The following TWIST2 variants were observed in gnomAD, a reference collection of about 807,000 sequenced individuals.
TWIST2 encodes twist-related protein 2.
A neutral mutation model predicts 11.6 loss-of-function variants in TWIST2; 1 was observed. That is an observed-to-expected ratio of 0.09 (90% CI 0.03 to 0.41). TWIST2 has a LOEUF of 0.41. Ranked by LOEUF, TWIST2 falls within the 10% of genes least tolerant of loss-of-function variation. The pLI, the probability that TWIST2 is intolerant of heterozygous loss-of-function variation, is 0.98. For missense variants in TWIST2, 168 were observed against 226.4 expected (o/e 0.74, Z 1.66); for synonymous variants, 87 against 96.6 (o/e 0.90, Z 0.58).
intron 1 of TWIST2, among the ~76,000 whole-genome samples, chr2:238,882,786 G>A (rs937441163): frequency 3.3e-5 from 5 of 152,220 alleles, no homozygotes; most frequent in African/African-American, 9.6e-5. Context: ...CCTGGGAAGT[G>A]ATATCTTGAT....
At chr2:238,876,707 G>A (rs1692810566) in intron 1 of TWIST2, among the ~76,000 whole-genome samples, 1 of 152,138 alleles carries the variant, frequency 6.6e-6, no homozygotes, top group Non-Finnish European at 1.5e-5. Flanking sequence ...TTTATTAGTG[G>A]AATATCAGGG....
chr2:238,873,493 G>A (rs568779705), intron 1 of TWIST2, among the ~76,000 whole-genome samples: 19 of 152,334 alleles, frequency 1.2e-4, no homozygotes, highest in Admixed American at 2.0e-4. Flanking sequence ...TCTGGGGGTT[G>A]GGAGTGGGCA....
intron 1 of TWIST2, among the ~76,000 whole-genome samples, chr2:238,878,278 C>T (rs1692842682): frequency 6.6e-6 from 1 of 152,208 alleles, no homozygotes; most frequent in East Asian, 1.9e-4. Flanking sequence ...ACATCAGCCA[C>T]CCCAAAGCTC....
At position 238,848,680 on chromosome 2, in the gene TWIST2, C is replaced by T; in HGVS notation, c.465C>T (p.Ser155=). Residue 155 remains serine, a synonymous_variant, in exon 1 of 2, where the codon TCC becomes TCT. Coordinates refer to ENST00000612363, the MANE Select transcript of TWIST2 (RefSeq NM_001271893.4). Reference sequence around the variant, plus strand: ...TGTGGCGCATGGAGGGCGCGTGGTCCATGTCCGCCTCCCACTAGCGCCGCG... The same window carrying T: ...TGTGGCGCATGGAGGGCGCGTGGTCTATGTCCGCCTCCCACTAGCGCCGCG... The part of the protein sequence containing the change: ...FSVWRMEGAW[S]MSASH The T allele has an allele frequency of 6.6e-7, 1 of 1,525,662 alleles. No individual in the cohort carries two copies. Among genetic ancestry groups the T allele is most frequent in the Non-Finnish European group, 8.8e-7 (1 of 1,139,600 alleles). The allele number at this position is 1,525,662 out of a possible 1,614,324, so 94.5% of individuals were successfully genotyped here.
At chr2:238,879,815 A>G (rs750521572) in intron 1 of TWIST2, among the ~76,000 whole-genome samples, 1 of 152,194 alleles carries the variant, frequency 6.6e-6, no homozygotes, top group Non-Finnish European at 1.5e-5. Context: ...TGGTGTGGTC[A>G]GGGAGGGCTT....
chr2:238,905,975 G>C (rs1186280491), intron 1 of TWIST2, among the ~76,000 whole-genome samples: 2 of 135,848 alleles, frequency 1.5e-5, no homozygotes, highest in Non-Finnish European at 3.2e-5. Flanking sequence ...GTGTGTGTGC[G>C]CGCGCGTGTA....
At chr2:238,907,645 AAAC>A (rs1693375121) in intron 1 of TWIST2, among the ~76,000 whole-genome samples, 1 of 151,958 alleles carries the variant, frequency 6.6e-6, no homozygotes, top group Non-Finnish European at 1.5e-5. Context: ...GGGGTGCAAG[AAAC>A]AACACGCATG....
intron 1 of TWIST2, among the ~76,000 whole-genome samples, chr2:238,851,253 G>A (rs968669127): frequency 1.3e-5 from 2 of 152,250 alleles, no homozygotes; most frequent in Non-Finnish European, 2.9e-5. Context: ...AGATGGTGGA[G>A]TGCGGGTGCT....
chr2:238,891,123 G>C (rs1292563595), intron 1 of TWIST2, among the ~76,000 whole-genome samples: 1 of 152,214 alleles, frequency 6.6e-6, no homozygotes, highest in Non-Finnish European at 1.5e-5. Flanking sequence ...TTCGCAGTCT[G>C]ATCTCAAAAA....
chr2:238,885,791 G>C (rs1693023347), intron 1 of TWIST2, among the ~76,000 whole-genome samples: 1 of 152,082 alleles, frequency 6.6e-6, no homozygotes, highest in African/African-American at 2.4e-5. Flanking sequence ...CACATTACTG[G>C]TTAGGCGTGG....
At chr2:238,901,220 A>G (rs1033491029) in intron 1 of TWIST2, among the ~76,000 whole-genome samples, 3 of 152,006 alleles carry the variant, frequency 2.0e-5, no homozygotes, top group South Asian at 4.1e-4. Flanking sequence ...CAAGTGAACC[A>G]CCTGCCTTGG....
chr2:238,856,355 G>A (rs535606774), intron 1 of TWIST2, among the ~76,000 whole-genome samples: 2 of 152,228 alleles, frequency 1.3e-5, no homozygotes, highest in South Asian at 2.1e-4. Flanking sequence ...AGATGAGCAC[G>A]GTTACTCACC....
chr2:238,898,730 G>A (rs931683182), intron 1 of TWIST2, among the ~76,000 whole-genome samples: 1 of 152,218 alleles, frequency 6.6e-6, no homozygotes, highest in African/African-American at 2.4e-5. Flanking sequence ...TAGTGCCCTC[G>A]TGCTAAGGGC....
chr2:238,893,140 A>T (rs1693166213), intron 1 of TWIST2, among the ~76,000 whole-genome samples: 1 of 152,196 alleles, frequency 6.6e-6, no homozygotes, highest in African/African-American at 2.4e-5. Context: ...ATTGAATTAT[A>T]GGAGGATTCT....
At chr2:238,849,891 T>C (rs1007102789) in intron 1 of TWIST2, among the ~76,000 whole-genome samples, 1 of 152,232 alleles carries the variant, frequency 6.6e-6, no homozygotes, top group Non-Finnish European at 1.5e-5. Context: ...GGGGCCGAGT[T>C]AAAAATCCTT....
chr2:238,862,932 A>G (rs1354127240), intron 1 of TWIST2, among the ~76,000 whole-genome samples: 1 of 152,152 alleles, frequency 6.6e-6, no homozygotes, highest in Non-Finnish European at 1.5e-5. Context: ...AGGTTGGAAG[A>G]TCAAAGTGTG....
At chr2:238,891,006 C>T (rs2106369379) in intron 1 of TWIST2, among the ~76,000 whole-genome samples, 1 of 152,332 alleles carries the variant, frequency 6.6e-6, no homozygotes, top group Admixed American at 6.5e-5. Flanking sequence ...TGCACTTTCA[C>T]TCCTGTTCTC....
chr2:238,904,650 G>C (rs1165026407), intron 1 of TWIST2, among the ~76,000 whole-genome samples: 5 of 152,066 alleles, frequency 3.3e-5, no homozygotes, highest in African/African-American at 1.2e-4. Flanking sequence ...TCTTCCCTGT[G>C]TTCTAGTTGC....
chr2:238,871,511 A>G (rs1214515499), intron 1 of TWIST2, among the ~76,000 whole-genome samples: 1 of 87,306 alleles, frequency 1.1e-5, no homozygotes, highest in African/African-American at 4.7e-5. Context: ...CACACCCCAC[A>G]CATACCCCCC....
Sources: allele counts gnomAD v4.1 joint callset (sites outside exome capture counted in the v4.1 genomes callset), GRCh38; gene constraint gnomAD v4.1.1; transcripts MANE v1.5; gene names NCBI Gene and HGNC (gene_info 2026-07-23, HGNC 2026-07-21).